Variants in CSMD1 observed in about 807,000 individuals in gnomAD.
CSMD1 encodes CUB and sushi domain-containing protein 1.
A neutral mutation model predicts 417.5 loss-of-function variants in CSMD1; 213 were observed. That is an observed-to-expected ratio of 0.51 (90% CI 0.46 to 0.57). The LOEUF is 0.57. Ranked by LOEUF, CSMD1 falls within the 20% of genes least tolerant of loss-of-function variation. The pLI is 0.00. For synonymous variants in CSMD1, 2,862 were observed against 1,736.8 expected, an observed-to-expected ratio of 1.65 and a Z score of -16.11; for missense variants, 6,923 against 4,529.7, an observed-to-expected ratio of 1.53 and a Z score of -15.17.
At chr8:4,139,464 G>A (rs3849824) in intron 3 of CSMD1, among the ~76,000 whole-genome samples, 1 of 145,956 alleles carries the variant, frequency 6.9e-6, no homozygotes, top group Non-Finnish European at 1.5e-5. Context: ...TGGAGGCGTG[G>A]ACAGTCCAGT....
intron 3 of CSMD1, among the ~76,000 whole-genome samples, chr8:4,138,873 G>A (rs77552273): frequency 0.3 from 44,940 of 151,866 alleles, 8,068 homozygotes; most frequent in Non-Finnish European, 0.39. Context: ...TATTTAATAG[G>A]AAGGTTAATT....
rs765938760 is a variant in CSMD1 at position 2,998,090 on chromosome 8, C to A, written c.8298G>T (p.Thr2766=). 3 of 1,613,996 alleles carry A rather than the reference C, an allele frequency of 1.9e-6. No homozygotes were observed. The highest frequency in any genetic ancestry group is 1.3e-5 in the African/African-American group (1 of 75,052). ...GAGACACGCCCTGCAGCAAATAGCC[C>A]GTGTTGCAGGTGAAATTCACGACAT... ...LNDVVNFTCN[T]GYLLQGVSRA... is the part of the protein sequence containing the mutation. Residue 2766 remains threonine, a synonymous_variant, in exon 54 of 70, where the codon ACG becomes ACT. Coordinates refer to ENST00000635120, the MANE Select transcript of CSMD1 (RefSeq NM_033225.6).
At chr8:4,126,812 T>A (rs540748703) in intron 3 of CSMD1, among the ~76,000 whole-genome samples, 3 of 152,138 alleles carry the variant, frequency 2.0e-5, no homozygotes, top group Non-Finnish European at 4.4e-5. Flanking sequence ...TGTCCTAACC[T>A]GGGGTAGGAG....
chr8:3,889,722 T>C (rs1278760730), intron 5 of CSMD1, among the ~76,000 whole-genome samples: 1 of 151,706 alleles, frequency 6.6e-6, no homozygotes. Context: ...GCTATGGATT[T>C]TGTGAAACAG....
At chr8:4,208,429 G>C (rs1563275510) in intron 3 of CSMD1, among the ~76,000 whole-genome samples, 1 of 152,002 alleles carries the variant, frequency 6.6e-6, no homozygotes, top group Non-Finnish European at 1.5e-5. Context: ...ACTCTATTAT[G>C]GTTTTTCAAA....
intron 6 of CSMD1, among the ~76,000 whole-genome samples, chr8:3,728,657 G>C (rs185689365): frequency 1.3e-5 from 2 of 152,074 alleles, no homozygotes; most frequent in Non-Finnish European, 2.9e-5. Flanking sequence ...GGGGAGCACA[G>C]ATGGAACAGA....
chr8:4,636,302 T>A (rs145998004), intron 2 of CSMD1, among the ~76,000 whole-genome samples: 1 of 152,152 alleles, frequency 6.6e-6, no homozygotes, highest in Non-Finnish European at 1.5e-5. Context: ...TTTTTTCTTG[T>A]TGACAATTGA....
chr8:3,085,443 G>T (rs149491796), intron 49 of CSMD1, among the ~76,000 whole-genome samples: 7 of 152,260 alleles, frequency 4.6e-5, no homozygotes, highest in African/African-American at 1.7e-4. Flanking sequence ...CTGAAGGAAG[G>T]TAGTCTAACT....
At chr8:4,191,253 G>A (rs905778622) in intron 3 of CSMD1, among the ~76,000 whole-genome samples, 22 of 152,056 alleles carry the variant, frequency 1.4e-4, no homozygotes, top group Middle Eastern at 3.4e-3. Flanking sequence ...AAAATTAGCA[G>A]GGCATGGTGG....
chr8:3,466,313 C>T (rs922387660), intron 12 of CSMD1, among the ~76,000 whole-genome samples: 3 of 152,060 alleles, frequency 2.0e-5, no homozygotes, highest in African/African-American at 7.2e-5. Flanking sequence ...GCTCCAGAGC[C>T]TGTGTTCCTA....
intron 4 of CSMD1, among the ~76,000 whole-genome samples, chr8:4,011,437 A>G (rs768682259): frequency 5.9e-5 from 9 of 152,106 alleles, no homozygotes; most frequent in Non-Finnish European, 1.0e-4. Context: ...TCACTGCAAC[A>G]CGTCTCAAAG....
intron 2 of CSMD1, among the ~76,000 whole-genome samples, chr8:4,526,929 A>T (rs944691994): frequency 6.6e-6 from 1 of 152,156 alleles, no homozygotes; most frequent in African/African-American, 2.4e-5. Context: ...AAGGTTAGAC[A>T]ATCCTGGTTT....
chr8:3,931,693 A>G (rs923337968), intron 5 of CSMD1, among the ~76,000 whole-genome samples: 1 of 149,284 alleles, frequency 6.7e-6, no homozygotes, highest in Admixed American at 6.7e-5. Flanking sequence ...CAACAAAAGG[A>G]CTATAGTTTA....
At position 4,197,261 on chromosome 8, in the gene CSMD1, T is replaced by C. The variant is rs77240949; in HGVS notation, c.416-165162A>G. ...GATAATTTCGTATAACCAGATAGAT[T>C]TTCAAATTGAGAAGTATTAGGCATT... On this transcript the variant is annotated intron_variant, in intron 3 of 69. Transcript: ENST00000635120. Among the ~76,000 whole-genome samples, 124 of 152,334 alleles carry C rather than the reference T, an allele frequency of 8.1e-4. 1 individual carries two copies. Among genetic ancestry groups the C allele is most frequent in the African/African-American group, 2.9e-3 (122 of 41,588 alleles).
intron 5 of CSMD1, among the ~76,000 whole-genome samples, chr8:3,982,199 A>T (rs2449819): frequency 0.53 from 75,603 of 142,172 alleles, 19,789 homozygotes; most frequent in East Asian, 0.57. Context: ...ATATTAATAA[A>T]AAAAATAATA....
At chr8:4,648,529 G>C (rs566359386) in intron 1 of CSMD1, among the ~76,000 whole-genome samples, 2 of 152,026 alleles carry the variant, frequency 1.3e-5, no homozygotes, top group African/African-American at 4.8e-5. Flanking sequence ...CCTCTCTTAG[G>C]GAAATAGTGC....
intron 4 of CSMD1, among the ~76,000 whole-genome samples, chr8:4,015,845 G>C (rs183706968): frequency 2.0e-5 from 3 of 152,040 alleles, no homozygotes; most frequent in Non-Finnish European, 2.9e-5. Flanking sequence ...TCCCAATAAT[G>C]GTTCGTATGC....
intron 3 of CSMD1, among the ~76,000 whole-genome samples, chr8:4,275,268 G>C (rs1387539175): frequency 6.6e-6 from 1 of 152,034 alleles, no homozygotes; most frequent in Non-Finnish European, 1.5e-5. Flanking sequence ...AAAGCAATAT[G>C]ACTTCTCTTT....
At chr8:4,794,765 T>G (rs185033321) in intron 1 of CSMD1, among the ~76,000 whole-genome samples, 1 of 152,196 alleles carries the variant, frequency 6.6e-6, no homozygotes, top group African/African-American at 2.4e-5. Flanking sequence ...TTGAATTCCA[T>G]GCCCAAATTC....
Sources: gnomAD v4.1 joint callset for allele counts (sites outside exome capture counted in the v4.1 genomes callset) on GRCh38, gnomAD v4.1.1 for gene constraint, MANE v1.5 for transcripts, NCBI Gene and HGNC (gene_info 2026-07-23, HGNC 2026-07-21) for gene names.